The following ZNF281 variants were observed in gnomAD, a reference collection of about 807,000 sequenced individuals.
The protein encoded by ZNF281 is GC-box-binding zinc finger protein 1.
Under a neutral mutation model 58.8 loss-of-function variants are expected in ZNF281, and 2 were observed. That is an observed-to-expected ratio of 0.03 (90% CI 0.01 to 0.11). The LOEUF (loss-of-function observed/expected upper bound fraction) is 0.11. Among genes scored for constraint, ZNF281 ranks in the 10% least tolerant of loss-of-function variants. The pLI is 1.00. For synonymous variants in ZNF281, 465 were observed against 407.7 expected, an observed-to-expected ratio of 1.14 and a Z score of -1.69; for missense variants, 975 against 1,090.7, an observed-to-expected ratio of 0.89 and a Z score of 1.49.
rs150917751 is a variant in ZNF281 at position 200,408,077 on chromosome 1, A to G, written c.1629T>C (p.Tyr543=). The G allele has an allele frequency of 6.8e-6, 11 of 1,614,034 alleles. No individual in the cohort carries two copies. In the Admixed American group the frequency reaches 1.2e-4, roughly 17 times the overall value. The change falls in exon 2 of 2, where the codon TAT becomes TAC. Residue 543 remains tyrosine (Y), a synonymous_variant. Coordinates refer to ENST00000367353, the MANE Select transcript of ZNF281 (RefSeq NM_001281293.2). ...DAMQFSKKRR[Y]LPTASSNSAF... Reference sequence around the variant, plus strand: ...CACTGTTGCTGCTGGCAGTTGGTAAATATCTTCTTTTCTTTGAAAACTGCA... The same window carrying G: ...CACTGTTGCTGCTGGCAGTTGGTAAGTATCTTCTTTTCTTTGAAAACTGCA...
Position 200,409,508 on chromosome 1 carries a change from C to T in ZNF281, c.198G>A (p.Pro66=), listed in dbSNP as rs183657842. Residue 66 remains proline (P), a synonymous_variant, in exon 2 of 2, where the codon CCG becomes CCA. Transcript: ENST00000367353. ...GCGGGGGAGGGGCGGCCGACCCCGC[C>T]GGCCGGGTGAAGCTGGTGACCGGGG... ...RLPPVTSFTR[P]AGSAAPPPQC... 1 of 1,549,314 alleles carries T rather than the reference C, an allele frequency of 6.5e-7. No homozygotes were observed. The highest frequency in any genetic ancestry group is 8.7e-7 in the Non-Finnish European group (1 of 1,146,428).
At position 200,407,562 on chromosome 1, in the gene ZNF281, G is replaced by T. The variant is rs757166266; in HGVS notation, c.2144C>A (p.Pro715His). 3.0e-5 allele frequency: 49 copies of T among 1,614,104 alleles called. No individual in the cohort carries two copies. Among genetic ancestry groups the T allele is most frequent in the Non-Finnish European group, 4.2e-5 (49 of 1,180,038 alleles). ...FPEKQIYTTS[P>H]LECGFGQSVT... ...AGATTGGCCGAAACCACACTCCAAA[G>T]GAGACGTAGTGTATATTTGTTTTTC... The change falls in exon 2 of 2, where the codon CCT (proline) becomes CAT (histidine). Residue 715 changes from proline to histidine, a missense_variant. Physicochemically the swap from Pro to His is moderately conservative, Grantham distance 77. Transcript: ENST00000367353.
chr1:200,408,015 T>C lies in ZNF281; in HGVS notation c.1691A>G (p.Gln564Arg). 1 of 1,614,262 alleles carries C rather than the reference T, an allele frequency of 6.2e-7. No homozygotes were observed. Among genetic ancestry groups the C allele is most frequent in the Non-Finnish European group, 8.5e-7 (1 of 1,180,048 alleles). Residue 564 changes from glutamine (Q) to arginine (R), a missense_variant, in exon 2 of 2, where the codon CAG becomes CGG. By Grantham distance (43) the Gln-to-Arg change is conservative. Around this residue, in one of 3 missense-constraint regions of ZNF281, gnomAD observed 579 missense variants for 608.9 expected, o/e 0.95. Transcript: ENST00000367353. ...SINVGHMVSQ[Q>R]SVIQSAGVSV... ...GACACCTGCAGACTGAATGACAGAC[T>C]GTTGGGAGACCATGTGTCCTACGTT...
At chr1:200,409,911 G>T in intron 1 of ZNF281, 35 bp downstream of exon 1, 1 of 750,418 alleles carries the variant, frequency 1.3e-6, no homozygotes, top group Non-Finnish European at 2.1e-6. Context: ...CCCAGGCCTC[G>T]CCCTCTCCCT....
Position 200,409,274 on chromosome 1 carries a change from ATGGTGGTGG to A in ZNF281, c.423_431del (p.His146_His148del), listed in dbSNP as rs763401281. 7 of 1,612,902 alleles carry A rather than the reference ATGGTGGTGG, an allele frequency of 4.3e-6. No homozygotes were observed. Among genetic ancestry groups the A allele is most frequent in the Non-Finnish European group, 5.9e-6 (7 of 1,179,626 alleles). The stretch of plus-strand genomic sequence containing the variant: ...ACAGCCCCCCATAGTGGTGGTGGTG[ATGGTGGTGG>A]TGGGACTGCTGCTCCTCAGGATCCG... On this transcript the variant is annotated inframe_deletion, in exon 2 of 2. Coordinates refer to ENST00000367353, the MANE Select transcript of ZNF281 (RefSeq NM_001281293.2).
In ZNF281 at chr1:200,409,610, GCCGCCGCCGCCGCCACTA is replaced by G; in HGVS notation, c.78_95del (p.Ser27_Gly32del). ...CTGCCCTCCTGCCGCTGCTGCCGCC[GCCGCCGCCGCCGCCACTA>G]CCACCGCCGCCGGAGCCGCTACCAC... On this transcript the variant is annotated inframe_deletion, in exon 2 of 2. Transcript: ENST00000367353. 6.5e-7 allele frequency: 1 copy of G among 1,548,446 alleles called. No homozygotes were observed. Among genetic ancestry groups the G allele is most frequent in the African/African-American group, 1.4e-5 (1 of 72,948 alleles).
At position 200,409,042 on chromosome 1, in the gene ZNF281, T is replaced by G; in HGVS notation, c.664A>C (p.Lys222Gln). ...CCCTGAGATTCTGGCTTTGGCCTTT[T>G]TGCCTTTTTGACATTAGTGTCCTGC... is the stretch of plus-strand genomic sequence containing the variant. ...PKQDTNVKKAKRPKPESQGIK... is the reference protein window; with the variant it reads ...PKQDTNVKKAQRPKPESQGIK... Residue 222 changes from lysine (K) to glutamine (Q), a missense_variant, in exon 2 of 2, where the codon AAA (lysine) becomes CAA (glutamine). By Grantham distance (53) the Lys-to-Gln change is moderately conservative. Coordinates refer to ENST00000367353, the MANE Select transcript of ZNF281 (RefSeq NM_001281293.2). 6.2e-7 allele frequency: 1 copy of G among 1,614,246 alleles called. No homozygotes were observed. Among genetic ancestry groups the G allele is most frequent in the Non-Finnish European group, 8.5e-7 (1 of 1,180,038 alleles).
At position 200,407,010 on chromosome 1, in the gene ZNF281, T is replaced by C; in HGVS notation, c.*8A>G. On this transcript the variant is annotated 3_prime_UTR_variant, in exon 2 of 2. Coordinates refer to ENST00000367353, the MANE Select transcript of ZNF281 (RefSeq NM_001281293.2). ...TAGAAGACCTCCAGCCTGGCCACTT[T>C]TGGGACCTTACCTGTAACTCTGGCT... The C allele has an allele frequency of 6.2e-7, 1 of 1,600,642 alleles. No individual in the cohort carries two copies. Among genetic ancestry groups the C allele is most frequent in the Non-Finnish European group, 8.5e-7 (1 of 1,173,926 alleles).
rs763638761 is a variant in ZNF281 at position 200,409,592 on chromosome 1, C to CCTGCCG, written c.108_113dup (p.Ser36_Gly37dup). 57 of 1,549,074 alleles carry CCTGCCG rather than the reference C, an allele frequency of 3.7e-5. No homozygotes were observed. The highest frequency in any genetic ancestry group is 2.4e-5 in the Non-Finnish European group (27 of 1,146,764). ...GAAAGGTGGGTTCCATCTCTGCCCT[C>CCTGCCG]CTGCCGCTGCTGCCGCCGCCGCCGC... On this transcript the variant is annotated inframe_insertion, in exon 2 of 2. Transcript: ENST00000367353.
Position 200,405,574 on chromosome 1 carries a change from T to C in ZNF281, c.*1444A>G, listed in dbSNP as rs1654426983. 1 of 152,114 alleles carries C rather than the reference T, an allele frequency of 6.6e-6. No homozygotes were observed. Among genetic ancestry groups the C allele is most frequent in the Non-Finnish European group, 1.5e-5 (1 of 68,010 alleles). 9.4% of individuals were successfully genotyped at this position (152,114 alleles called of 1,614,324 possible). Reference sequence around the variant, plus strand: ...AAATATAATCAGGAAAAAAATACAATTGCTAAAAAGCAGTTTTAGAGTAGA... The same window carrying C: ...AAATATAATCAGGAAAAAAATACAACTGCTAAAAAGCAGTTTTAGAGTAGA... On this transcript the variant is annotated 3_prime_UTR_variant, in exon 2 of 2. Coordinates refer to ENST00000367353, the MANE Select transcript of ZNF281 (RefSeq NM_001281293.2).
chr1:200,408,991 C>A lies in ZNF281; in HGVS notation c.715G>T (p.Ala239Ser). ...QGIKAKRKPS[A>S]SSKPSLVGDG... ...CCAACCAAAGAAGGTTTGGAAGATG[C>A]ACTTGGCTTCCTCTTGGCTTTGATT... Residue 239 changes from alanine to serine, a missense_variant, in exon 2 of 2, where the codon GCA becomes TCA. Ala to Ser is a moderately conservative substitution (Grantham distance 99, BLOSUM62 1). Coordinates refer to ENST00000367353, the MANE Select transcript of ZNF281 (RefSeq NM_001281293.2). The A allele has an allele frequency of 1.2e-6, 2 of 1,614,246 alleles. No individual in the cohort carries two copies. The highest frequency in any genetic ancestry group is 1.7e-6 in the Non-Finnish European group (2 of 1,180,042).
In ZNF281 at chr1:200,407,357, G is replaced by A. The variant is rs1351382620; in HGVS notation, c.2349C>T (p.Ser783=). 1 of 1,614,064 alleles carries A rather than the reference G, an allele frequency of 6.2e-7. No individual in the cohort carries two copies. The highest frequency in any genetic ancestry group is 1.7e-5 in the Admixed American group (1 of 60,022). ...TCTGGCTAGTCAATTTCTGAGATGA[G>A]GACTGGAAGGCTGATGAAGTCTCTA... is the stretch of plus-strand genomic sequence containing the variant. The part of the protein sequence containing the change: ...KNLETSSAFQ[S]SSQKLTSQKE... The change falls in exon 2 of 2, where the codon TCC becomes TCT. Residue 783 remains serine (S), a synonymous_variant. Coordinates refer to ENST00000367353, the MANE Select transcript of ZNF281 (RefSeq NM_001281293.2).
rs1654510387 is a variant in ZNF281, at chr1:200,408,226, A to C, written c.1480T>G (p.Ser494Ala). ...GAGCCACTTGGTTTTCCAGACAAGG[A>C]TTTCTGTCCTACTATGTCTGGTAAT... is the stretch of plus-strand genomic sequence containing the variant. ...SPLPDIVGQK[S>A]LSGKPSGSLG... The change falls in exon 2 of 2, where the codon TCC becomes GCC. Residue 494 changes from serine (S) to alanine (A), a missense_variant. Transcript: ENST00000367353. 6.2e-7 allele frequency: 1 copy of C among 1,612,478 alleles called. No homozygotes were observed. Among genetic ancestry groups the C allele is most frequent in the Admixed American group, 1.7e-5 (1 of 60,002 alleles).
chr1:200,408,998 C>T lies in ZNF281; in HGVS notation c.708G>A (p.Lys236=). 6.2e-7 allele frequency: 1 copy of T among 1,614,248 alleles called. No individual in the cohort carries two copies. ...AAGAAGGTTTGGAAGATGCACTTGG[C>T]TTCCTCTTGGCTTTGATTCCCTGAG... ...PESQGIKAKR[K]PSASSKPSLV... Residue 236 remains lysine (K), a synonymous_variant, in exon 2 of 2, where the codon AAG becomes AAA. Coordinates refer to ENST00000367353, the MANE Select transcript of ZNF281 (RefSeq NM_001281293.2).
At position 200,406,833 on chromosome 1, in the gene ZNF281, G is replaced by T. The variant is rs920318597; in HGVS notation, c.*185C>A. On this transcript the variant is annotated 3_prime_UTR_variant, in exon 2 of 2. Coordinates refer to ENST00000367353, the MANE Select transcript of ZNF281 (RefSeq NM_001281293.2). The stretch of plus-strand genomic sequence containing the variant: ...AAACTATTTTTAATCTATTGATTTT[G>T]ATTAAAAATCATAATACAAACAGAG... 4.0e-6 allele frequency: 2 copies of T among 506,228 alleles called. No homozygotes were observed. The highest frequency in any genetic ancestry group is 3.3e-5 in the East Asian group (1 of 30,370). The allele number at this position is 506,228 out of a possible 1,614,324, so 31.4% of individuals were successfully genotyped here.
At chr1:200,409,766 T>G in intron 1 of ZNF281, 43 bp from the exon 2 acceptor site, 1 of 1,546,946 alleles carries the variant, frequency 6.5e-7, no homozygotes. Flanking sequence ...GGAAAGGAGG[T>G]GGAACCGGGC....
rs1341548681 is a variant in ZNF281 at position 200,407,995 on chromosome 1, C to G, written c.1711G>C (p.Gly571Arg). 1.9e-6 allele frequency: 3 copies of G among 1,614,190 alleles called. No homozygotes were observed. In the Admixed American group the frequency reaches 5.0e-5, roughly 27 times the overall value. Residue 571 changes from glycine to arginine, a missense_variant, in exon 2 of 2, where the codon GGT (glycine) becomes CGT (arginine). By Grantham distance (125) the Gly-to-Arg change is moderately radical (BLOSUM62 -2). Transcript: ENST00000367353. The part of the protein sequence containing the change: ...VSQQSVIQSA[G>R]VSVLDNEAPL... ...GCCTCATTGTCCAAAACACTGACAC[C>G]TGCAGACTGAATGACAGACTGTTGG... is the stretch of plus-strand genomic sequence containing the variant.
Position 200,409,628 on chromosome 1 carries a change from A to G in ZNF281, c.78T>C (p.Gly26=), listed in dbSNP as rs772091240. 4 of 1,543,038 alleles carry G rather than the reference A, an allele frequency of 2.6e-6. No homozygotes were observed. The South Asian group carries it at 4.8e-5, about 18-fold the overall frequency. The change falls in exon 2 of 2, where the codon GGT becomes GGC. Residue 26 remains glycine, a synonymous_variant. Coordinates refer to ENST00000367353, the MANE Select transcript of ZNF281 (RefSeq NM_001281293.2). ...TGCCGCCGCCGCCGCCGCCGCCACT[A>G]CCACCGCCGCCGGAGCCGCTACCAC... ...SSGGSGSGGG[G]SGGGGGGGSS...
Position 200,408,982 on chromosome 1 carries a change from T to G in ZNF281, c.724A>C (p.Lys242Gln), listed in dbSNP as rs1337754850. The G allele has an allele frequency of 2.5e-6, 4 of 1,614,146 alleles. No homozygotes were observed. Among genetic ancestry groups the G allele is most frequent in the Non-Finnish European group, 3.4e-6 (4 of 1,180,050 alleles). The part of the protein sequence containing the change: ...KAKRKPSASS[K>Q]PSLVGDGEGA... ...TCTCCATCTCCAACCAAAGAAGGTT[T>G]GGAAGATGCACTTGGCTTCCTCTTG... Residue 242 changes from lysine to glutamine, a missense_variant, in exon 2 of 2, where the codon AAA (lysine) becomes CAA (glutamine). By Grantham distance (53) the Lys-to-Gln change is moderately conservative (BLOSUM62 1). Coordinates refer to ENST00000367353, the MANE Select transcript of ZNF281 (RefSeq NM_001281293.2).
Sources: gnomAD v4.1 joint callset for allele counts on GRCh38, gnomAD v4.1.1 for gene constraint, gnomAD v4.1.1 regional missense constraint, MANE v1.5 for transcripts, NCBI Gene and HGNC (gene_info 2026-07-23, HGNC 2026-07-21) for gene names.